The following ASXL3 variants were observed in gnomAD, a reference collection of about 807,000 sequenced individuals.
ASXL3 encodes the protein putative Polycomb group protein ASXL3.
In ASXL3, 34 loss-of-function variants were observed where a neutral mutation model predicts 170.6. The observed-to-expected ratio is 0.20, with a 90% confidence interval of 0.15 to 0.27. The LOEUF (loss-of-function observed/expected upper bound fraction) is 0.27. ASXL3 is among the 10% of genes least tolerant of loss of function. The pLI, the probability that ASXL3 is intolerant of heterozygous loss-of-function variation, is 1.00. For synonymous variants in ASXL3, 1,002 were observed against 989.1 expected (o/e 1.01, Z -0.24); for missense variants, 2,592 against 2,695.3 (o/e 0.96, Z 0.85).
intron 1 of ASXL3, among the ~76,000 whole-genome samples, chr18:33,596,278 T>A (rs192851536): frequency 6.6e-6 from 1 of 152,268 alleles, no homozygotes; most frequent in Admixed American, 6.5e-5. Flanking sequence ...CTTGCCACCC[T>A]CCCTTCCCCC....
intron 8 of ASXL3, among the ~76,000 whole-genome samples, chr18:33,688,987 T>G (rs1204006744): frequency 6.9e-6 from 1 of 143,914 alleles, no homozygotes; most frequent in African/African-American, 2.6e-5. Context: ...ACTTGAAAGG[T>G]GTATTTTCTT....
intron 2 of ASXL3, among the ~76,000 whole-genome samples, chr18:33,611,631 GGA>G (rs747167923): frequency 6.6e-6 from 1 of 152,158 alleles, no homozygotes; most frequent in East Asian, 1.9e-4. Flanking sequence ...CTGCTTTTGT[GGA>G]TGGATATTTG....
chr18:33,748,106 T>G lies in ASXL3; in HGVS notation c.*1511T>G, dbSNP rs748027481. On this transcript the variant is annotated 3_prime_UTR_variant, in exon 12 of 12. Coordinates refer to ENST00000269197, the MANE Select transcript of ASXL3 (RefSeq NM_030632.3). ...ATTGATTGATTGTGGCTGTAGAATT[T>G]AAAAAGCAAACATGGGGGGGGTGGG... 8.9e-5 allele frequency: 10 copies of G among 112,044 alleles called. No homozygotes were observed. The highest frequency in any genetic ancestry group is 1.7e-4 in the Non-Finnish European group (10 of 57,148). 6.9% of individuals were successfully genotyped at this position (112,044 alleles called of 1,614,324 possible). A position where few individuals can be genotyped will look rare whatever the true frequency, so the allele number is the denominator to read the frequency against.
chr18:33,666,438 A>G (rs2044847302), intron 5 of ASXL3, among the ~76,000 whole-genome samples: 1 of 152,200 alleles, frequency 6.6e-6, no homozygotes, highest in Non-Finnish European at 1.5e-5. Context: ...TCACAACAAA[A>G]TATAACATCC....
chr18:33,643,103 A>G (rs992510052), intron 2 of ASXL3, among the ~76,000 whole-genome samples: 2 of 151,852 alleles, frequency 1.3e-5, no homozygotes, highest in African/African-American at 4.8e-5. Context: ...GTCCCTACGG[A>G]AAGTCTGTAT....
intron 8 of ASXL3, among the ~76,000 whole-genome samples, chr18:33,721,599 A>T (rs1345191486): frequency 7.2e-5 from 11 of 152,112 alleles, no homozygotes; most frequent in Non-Finnish European, 2.9e-5. Context: ...ACTCCATCAT[A>T]ACAATAATGA....
rs770953149 is a variant in ASXL3, at chr18:33,607,585, A to G, written c.55-9A>G. 6 of 1,567,026 alleles carry G rather than the reference A, an allele frequency of 3.8e-6. No homozygotes were observed. The Admixed American group carries it at 1.1e-4, about 29-fold the overall frequency. On this transcript the variant is annotated splice_polypyrimidine_tract_variant and intron_variant, in intron 1 of 11. Transcript: ENST00000269197. ...GCAATAATCTAGGAATCTTATGTTT[A>G]TATTTTAGGCACTAGAAAAACACCC...
At chr18:33,636,744 G>A (rs1419633365) in intron 2 of ASXL3, among the ~76,000 whole-genome samples, 2 of 152,014 alleles carry the variant, frequency 1.3e-5, no homozygotes, top group East Asian at 1.9e-4. Flanking sequence ...ATATAATGCA[G>A]GTTGAGTTTC....
intron 5 of ASXL3, among the ~76,000 whole-genome samples, chr18:33,664,365 G>C (rs1254187865): frequency 3.9e-5 from 6 of 152,094 alleles, no homozygotes; most frequent in Non-Finnish European, 8.8e-5. Context: ...CTACATACTT[G>C]AGTTGTTATA....
At chr18:33,669,848 G>GCGGT (rs778638833) in intron 5 of ASXL3, among the ~76,000 whole-genome samples, 174 of 152,218 alleles carry the variant, frequency 1.1e-3, no homozygotes, top group Non-Finnish European at 2.0e-3. Context: ...AGTTTCGTGT[G>GCGGT]CTTAAGACCC....
At chr18:33,737,333 A>AT (rs1475006306) in intron 10 of ASXL3, among the ~76,000 whole-genome samples, 1 of 152,174 alleles carries the variant, frequency 6.6e-6, no homozygotes, top group Non-Finnish European at 1.5e-5. Context: ...GTTTGCATCA[A>AT]TGTTACCATG....
intron 2 of ASXL3, among the ~76,000 whole-genome samples, chr18:33,628,263 C>T (rs531664402): frequency 6.6e-6 from 1 of 152,092 alleles, no homozygotes; most frequent in Non-Finnish European, 1.5e-5. Context: ...TCGGTCTCGC[C>T]CATTCCAAAG....
chr18:33,721,895 G>A (rs1251381687), intron 8 of ASXL3, among the ~76,000 whole-genome samples: 1 of 151,942 alleles, frequency 6.6e-6, no homozygotes, highest in Non-Finnish European at 1.5e-5. Flanking sequence ...GTGTGTGTCT[G>A]TGTCACATTT....
intron 2 of ASXL3, chr18:33,626,498 C>T (rs1379432078): frequency 6.7e-6 from 1 of 150,036 alleles, no homozygotes; most frequent in Non-Finnish European, 1.5e-5. Flanking sequence ...TCTGGCATTG[C>T]TATTCTATCT....
chr18:33,664,748 T>C (rs2066231457), intron 5 of ASXL3, among the ~76,000 whole-genome samples: 1 of 152,234 alleles, frequency 6.6e-6, no homozygotes, highest in Admixed American at 6.5e-5. Context: ...TTTACAGGGC[T>C]CTTTGATGTC....
chr18:33,665,792 A>G (rs1599466290), intron 5 of ASXL3, among the ~76,000 whole-genome samples: 2 of 152,092 alleles, frequency 1.3e-5, no homozygotes, highest in South Asian at 4.1e-4. Context: ...AAGTATTGCA[A>G]TATGTCACTG....
chr18:33,734,986 G>A (rs979889506), intron 10 of ASXL3, among the ~76,000 whole-genome samples: 3 of 152,086 alleles, frequency 2.0e-5, no homozygotes, highest in Non-Finnish European at 4.4e-5. Context: ...AACCCTGAAA[G>A]CAGTTTCACC....
At chr18:33,598,735 T>C (rs754500640) in intron 1 of ASXL3, among the ~76,000 whole-genome samples, 17 of 152,290 alleles carry the variant, frequency 1.1e-4, no homozygotes, top group Middle Eastern at 3.4e-3. Flanking sequence ...AATGATGACA[T>C]ATGAACCTCG....
intron 10 of ASXL3, among the ~76,000 whole-genome samples, chr18:33,738,071 A>T (rs962146292): frequency 1.3e-5 from 2 of 152,146 alleles, no homozygotes; most frequent in African/African-American, 4.8e-5. Flanking sequence ...AAAAATCTAG[A>T]CTGTTCTTAA....
Sources: allele counts gnomAD v4.1 joint callset (sites outside exome capture counted in the v4.1 genomes callset), GRCh38; gene constraint gnomAD v4.1.1; transcripts MANE v1.5; gene names NCBI Gene and HGNC (gene_info 2026-07-23, HGNC 2026-07-21).